The following TOP1MT variants were observed in gnomAD, a reference collection of about 807,000 sequenced individuals.
TOP1MT encodes DNA topoisomerase I mitochondrial, also known as DNA topoisomerase I, mitochondrial.
Under a neutral mutation model 73.9 loss-of-function variants are expected in TOP1MT, and 80 were observed. The observed-to-expected ratio is 1.08, with a 90% CI of 0.90 to 1.30. The LOEUF (loss-of-function observed/expected upper bound fraction) is 1.30. Among genes scored for constraint, TOP1MT ranks in the 50% most tolerant of loss-of-function variants. TOP1MT has a pLI of 0.00. For synonymous variants in TOP1MT, 338 were observed against 326.4 expected (o/e 1.04, Z -0.38); for missense variants, 815 against 808.0 (o/e 1.01, Z -0.10).
rs140327377 is a variant in TOP1MT at position 143,310,072 on chromosome 8, C to T, written c.1699G>A (p.Ala567Thr). The change falls in exon 13 of 14, where the codon GCC (alanine) becomes ACC (threonine). Residue 567 changes from alanine to threonine, a missense_variant. Physicochemically the swap from Ala to Thr is moderately conservative, Grantham distance 58. Transcript: ENST00000329245. ...TGAGACCCCAGGCACACGCACCAGGCAATGCTGATCCTGGGGTCCAGGTAG... is the reference window on the plus strand; with the variant it reads ...TGAGACCCCAGGCACACGCACCAGGTAATGCTGATCCTGGGGTCCAGGTAG... ...LNYLDPRISI[A>T]WCKRFRVPVE... The T allele has an allele frequency of 1.7e-5, 28 of 1,612,408 alleles. No individual in the cohort carries two copies. The highest frequency in any genetic ancestry group is 2.3e-5 in the Non-Finnish European group (27 of 1,179,994).
intron 12 of TOP1MT, among the ~76,000 whole-genome samples, chr8:143,313,874 A>AT (rs1440282230): frequency 6.6e-6 from 1 of 151,608 alleles, no homozygotes; most frequent in Non-Finnish European, 1.5e-5. Context: ...AAAAAAAAAA[A>AT]GAAAGAACAA....
At chr8:143,314,827 C>T (rs1048784349) in intron 12 of TOP1MT, among the ~76,000 whole-genome samples, 1 of 152,048 alleles carries the variant, frequency 6.6e-6, no homozygotes, top group Admixed American at 6.6e-5. Flanking sequence ...TAGTTGGTAG[C>T]AATTACTCTT....
intron 7 of TOP1MT, among the ~76,000 whole-genome samples, chr8:143,321,710 CCA>C (rs1239792355): frequency 6.2e-4 from 76 of 122,128 alleles, no homozygotes; most frequent in Non-Finnish European, 1.1e-3. Context: ...CGCACACATG[CCA>C]CACACGCACG....
At chr8:143,336,279 C>T (rs13251309), upstream of TOP1MT, among the ~76,000 whole-genome samples, 10,269 of 152,118 alleles carry the variant, frequency 0.068, 448 homozygotes, top group Non-Finnish European at 0.092. Context: ...AGGTGTGAGC[C>T]GATGCCCAGT....
chr8:143,328,930 C>A (rs1816776770), intron 3 of TOP1MT, among the ~76,000 whole-genome samples: 1 of 152,234 alleles, frequency 6.6e-6, no homozygotes, highest in Non-Finnish European at 1.5e-5. Context: ...AGCCTTGAGG[C>A]AGCACCCTCC....
chr8:143,309,400 A>AAC lies in TOP1MT; in HGVS notation c.*39_*40dup. Reference sequence around the variant, plus strand: ...CCAGTACTGCTTTAATAGTGAAAAAAACACACACACATACAAAAGAAGTTT... The same window carrying AAC: ...CCAGTACTGCTTTAATAGTGAAAAAAACACACACACACATACAAAAGAAGTTT... On this transcript the variant is annotated 3_prime_UTR_variant, in exon 14 of 14. Transcript: ENST00000329245. The AAC allele has an allele frequency of 1.9e-6, 3 of 1,596,360 alleles. No individual in the cohort carries two copies. Among genetic ancestry groups the AAC allele is most frequent in the East Asian group, 2.2e-5 (1 of 44,778 alleles).
At chr8:143,333,105 T>C (rs1036297267) in intron 1 of TOP1MT, among the ~76,000 whole-genome samples, 2 of 151,896 alleles carry the variant, frequency 1.3e-5, no homozygotes, top group Non-Finnish European at 2.9e-5. Flanking sequence ...TAAGGGAAGA[T>C]GGATCATGTC....
At chr8:143,319,766 G>A (rs1816277493) in intron 8 of TOP1MT, among the ~76,000 whole-genome samples, 1 of 152,174 alleles carries the variant, frequency 6.6e-6, no homozygotes, top group African/African-American at 2.4e-5. Context: ...AGGTGTACTG[G>A]GGTGAAAAGT....
At chr8:143,334,480 G>A (rs1472013900) in intron 1 of TOP1MT, among the ~76,000 whole-genome samples, 4 of 151,296 alleles carry the variant, frequency 2.6e-5, no homozygotes, top group African/African-American at 9.8e-5. Flanking sequence ...AACCACAAGC[G>A]GAAAAAAAGA....
intron 3 of TOP1MT, among the ~76,000 whole-genome samples, 179 bp from the exon 4 acceptor site, chr8:143,326,523 C>T (rs1816713916): frequency 6.6e-6 from 1 of 152,188 alleles, no homozygotes; most frequent in Non-Finnish European, 1.5e-5. Flanking sequence ...CCCGCAGACC[C>T]CACAGATAGA....
intron 2 of TOP1MT, among the ~76,000 whole-genome samples, chr8:143,330,818 G>A (rs1021398067): frequency 5.3e-5 from 8 of 152,128 alleles, no homozygotes; most frequent in South Asian, 2.1e-4. Context: ...TGTCAACCAC[G>A]GGCTCCGCTT....
Position 143,329,467 on chromosome 8 carries a change from C to G in TOP1MT, c.243G>C (p.Arg81Ser), listed in dbSNP as rs945275802. 6.2e-7 allele frequency: 1 copy of G among 1,608,978 alleles called. No individual in the cohort carries two copies. The highest frequency in any genetic ancestry group is 8.5e-7 in the Non-Finnish European group (1 of 1,178,660). ...CCGCTGCCACGCTCAATCTCACAGG[C>G]CTTCCTGCAGGCATCGGAAGACACA... ...PDGVRFFYEG[R>S]PVRLSVAAEE... The change falls in exon 3 of 14, where the codon AGG (arginine) becomes AGC (serine). Residue 81 changes from arginine (R) to serine (S), a missense_variant. Around this residue, in one of 3 missense-constraint regions of TOP1MT, gnomAD observed 751 missense variants for 725.4 expected, o/e 1.04. Coordinates refer to ENST00000329245, the MANE Select transcript of TOP1MT (RefSeq NM_052963.3).
chr8:143,334,921 C>A, upstream of TOP1MT: 1 of 1,298,634 alleles, frequency 7.7e-7, no homozygotes, highest in Non-Finnish European at 9.7e-7. Flanking sequence ...AGCCCCGCCC[C>A]GCCCCCAGCG....
intron 3 of TOP1MT, among the ~76,000 whole-genome samples, chr8:143,328,543 G>A (rs1209436908): frequency 1.3e-5 from 2 of 152,254 alleles, no homozygotes; most frequent in Admixed American, 6.5e-5. Context: ...GCAGGCGTGT[G>A]GACAGTTCAG....
At chr8:143,316,262 G>C (rs1416291110) in intron 10 of TOP1MT, 136 bp from the exon 11 acceptor site, 2 of 1,388,098 alleles carry the variant, frequency 1.4e-6, no homozygotes, top group South Asian at 2.5e-5. Context: ...GGGAGAGTGA[G>C]GGCCAAGGGT....
intron 7 of TOP1MT, among the ~76,000 whole-genome samples, chr8:143,322,384 C>CAT (rs1816464691): frequency 4.1e-5 from 4 of 97,258 alleles, no homozygotes; most frequent in Non-Finnish European, 6.7e-5. Context: ...ACGCCACACA[C>CAT]GCACGCCACA....
chr8:143,342,854 G>A (rs55729288), intron 2 of TOP1MT, among the ~76,000 whole-genome samples: 3,063 of 147,886 alleles, frequency 0.021, 40 homozygotes, highest in Admixed American at 0.031. Context: ...GCGTGATCTC[G>A]GCTCACTGCA....
At chr8:143,346,417 T>C (rs1817221306), upstream of TOP1MT, among the ~76,000 whole-genome samples, 1 of 152,218 alleles carries the variant, frequency 6.6e-6, no homozygotes, top group African/African-American at 2.4e-5. Flanking sequence ...TTGCTTTCCC[T>C]TGCCAAGATC....
At chr8:143,323,181 CGCCACACACGCAT>C (rs1408131203) in intron 7 of TOP1MT, among the ~76,000 whole-genome samples, 1 of 125,782 alleles carries the variant, frequency 8.0e-6, no homozygotes, top group Non-Finnish European at 1.7e-5. Flanking sequence ...CACACAGGCA[CGCCACACACGCAT>C]GCCACACACA....
Sources: gnomAD v4.1 joint callset for allele counts (sites outside exome capture counted in the v4.1 genomes callset) on GRCh38, gnomAD v4.1.1 for gene constraint, gnomAD v4.1.1 regional missense constraint, MANE v1.5 for transcripts, NCBI Gene and HGNC (gene_info 2026-07-23, HGNC 2026-07-21) for gene names.